ITFG1: variants seen among roughly 807,000 people sequenced by gnomAD.
ITFG1 encodes the protein integrin alpha FG-GAP repeat containing 1.
In ITFG1, 34 loss-of-function variants were observed where a neutral mutation model predicts 81.8. The observed-to-expected ratio is 0.42, with a 90% CI of 0.32 to 0.55. The LOEUF is 0.55. Ranked by LOEUF, ITFG1 falls within the 20% of genes least tolerant of loss-of-function variation. The pLI is 0.17. For synonymous variants in ITFG1, 285 were observed against 270.6 expected (o/e 1.05, Z -0.52); for missense variants, 672 against 755.4 (o/e 0.89, Z 1.29).
intron 8 of ITFG1, among the ~76,000 whole-genome samples, chr16:47,361,387 T>C (rs1297350614): frequency 6.6e-6 from 1 of 152,206 alleles, no homozygotes; most frequent in African/African-American, 2.4e-5. Context: ...CCATTTTCTC[T>C]AATTTCTATT....
At chr16:47,301,159 G>A (rs1485760504) in intron 10 of ITFG1, among the ~76,000 whole-genome samples, 1 of 152,062 alleles carries the variant, frequency 6.6e-6, no homozygotes. Flanking sequence ...ACAGATCAGT[G>A]AACAAAACAA....
intron 6 of ITFG1, among the ~76,000 whole-genome samples, chr16:47,413,687 CTT>C (rs1228726224): frequency 2.0e-5 from 3 of 152,026 alleles, no homozygotes. Context: ...CAGAGCAAGA[CTT>C]TGTCTGAAAA....
At chr16:47,193,287 T>C (rs1965315494) in intron 14 of ITFG1, among the ~76,000 whole-genome samples, 1 of 151,928 alleles carries the variant, frequency 6.6e-6, no homozygotes, top group South Asian at 2.1e-4. Flanking sequence ...TTCATTCTTT[T>C]GTTCTTTCTT....
At chr16:47,328,421 T>C (rs1445436116) in intron 8 of ITFG1, among the ~76,000 whole-genome samples, 1 of 151,970 alleles carries the variant, frequency 6.6e-6, no homozygotes, top group Non-Finnish European at 1.5e-5. Context: ...TGTATACATA[T>C]GTAACAAACC....
At position 47,258,689 on chromosome 16, in the gene ITFG1, C is replaced by T; in HGVS notation, c.1273G>A (p.Ala425Thr). 2 of 1,559,290 alleles carry T rather than the reference C, an allele frequency of 1.3e-6. No homozygotes were observed. Among genetic ancestry groups the T allele is most frequent in the Non-Finnish European group, 8.7e-7 (1 of 1,146,288 alleles). ...LSKGYTKNDFAIHTLKNNFEA... is the reference protein window; with the variant it reads ...LSKGYTKNDFTIHTLKNNFEA... ...AAGTTATTTTTTAGTGTATGAATGGCAAAATCATTCTTTGTATATCCTTTA... is the reference window on the plus strand; with the variant it reads ...AAGTTATTTTTTAGTGTATGAATGGTAAAATCATTCTTTGTATATCCTTTA... Residue 425 changes from alanine (A) to threonine (T), a missense_variant, in exon 12 of 18, where the codon GCC becomes ACC. Physicochemically the swap from Ala to Thr is moderately conservative, Grantham distance 58 (BLOSUM62 0). Coordinates refer to ENST00000320640, the MANE Select transcript of ITFG1 (RefSeq NM_030790.5).
chr16:47,380,691 C>A lies in ITFG1; in HGVS notation c.656-4751G>T, dbSNP rs114183931. Among the ~76,000 whole-genome samples the A allele has an allele frequency of 2.5e-3, 374 of 152,256 alleles. 3 individuals are homozygous for A. The highest frequency in any genetic ancestry group is 8.7e-3 in the African/African-American group (363 of 41,542). ...TTGGTGGCTTGGCGACTATATTGGA[C>A]CCCTTTCACCCTGGAAGTGGCAGCA... is the stretch of plus-strand genomic sequence containing the variant. On this transcript the variant is annotated intron_variant, in intron 6 of 17. Transcript: ENST00000320640.
At chr16:47,295,819 ATTAT>A (rs1415308217) in intron 10 of ITFG1, among the ~76,000 whole-genome samples, 2 of 151,534 alleles carry the variant, frequency 1.3e-5, no homozygotes, top group Non-Finnish European at 2.9e-5. Context: ...TTTAATTTTT[ATTAT>A]TTCTTTTCTT....
chr16:47,163,690 G>T (rs979296373), intron 14 of ITFG1, among the ~76,000 whole-genome samples: 1 of 151,806 alleles, frequency 6.6e-6, no homozygotes, highest in Non-Finnish European at 1.5e-5. Flanking sequence ...AGGAACTATC[G>T]AACTGTTTCC....
chr16:47,458,629 T>A (rs1245116121), intron 2 of ITFG1, among the ~76,000 whole-genome samples: 1 of 152,154 alleles, frequency 6.6e-6, no homozygotes, highest in African/African-American at 2.4e-5. Flanking sequence ...ATTTTAAAAA[T>A]TCAGATAATT....
chr16:47,267,109 A>C (rs1049960606), intron 10 of ITFG1, among the ~76,000 whole-genome samples: 6 of 152,224 alleles, frequency 3.9e-5, no homozygotes, highest in Non-Finnish European at 8.8e-5. Context: ...CTAAACTTGA[A>C]GGTGATGGTT....
In ITFG1 at chr16:47,454,057, C is replaced by T. The variant is rs1196662456; in HGVS notation, c.383G>A (p.Ser128Asn). 6.2e-7 allele frequency: 1 copy of T among 1,611,074 alleles called. No homozygotes were observed. The highest frequency in any genetic ancestry group is 8.5e-7 in the Non-Finnish European group (1 of 1,177,818). Residue 128 changes from serine (S) to asparagine (N), a missense_variant, in exon 3 of 18, where the codon AGT becomes AAT. Coordinates refer to ENST00000320640, the MANE Select transcript of ITFG1 (RefSeq NM_030790.5). ...CCAGAAGATAACAGCTCCTAATTCA[C>T]TCTTGGCATAATTTTTGGGAAGATA... ...LTYLPKNYAK[S>N]ELGAVIFWGQ...
chr16:47,295,176 T>C (rs1026842828), intron 10 of ITFG1, among the ~76,000 whole-genome samples: 1 of 152,196 alleles, frequency 6.6e-6, no homozygotes, highest in Admixed American at 6.5e-5. Context: ...TGTTGAACCA[T>C]CTTTGCATCG....
At position 47,396,300 on chromosome 16, in the gene ITFG1, G is replaced by A. The variant is rs1335624892; in HGVS notation, c.656-20360C>T. On this transcript the variant is annotated intron_variant, in intron 6 of 17. Coordinates refer to ENST00000320640, the MANE Select transcript of ITFG1 (RefSeq NM_030790.5). ...GCTTGCTTCTCCAATGGGAGCAAAA[G>A]GGAGGGAGGAAGTAGAGGGGGAGGG... 4.2e-5 allele frequency: 10 copies of A among 238,308 alleles called. 1 individual carries two copies. Among genetic ancestry groups the A allele is most frequent in the Non-Finnish European group, 6.8e-5 (10 of 146,984 alleles). 14.8% of individuals were successfully genotyped at this position (238,308 alleles called of 1,614,324 possible).
intron 14 of ITFG1, among the ~76,000 whole-genome samples, chr16:47,183,315 C>T (rs1965158901): frequency 6.6e-6 from 1 of 152,350 alleles, no homozygotes; most frequent in African/African-American, 2.4e-5. Flanking sequence ...GTAGGCTCCA[C>T]CTCTGGGGGC....
chr16:47,179,878 G>A (rs1322148735), intron 14 of ITFG1, among the ~76,000 whole-genome samples: 4 of 152,170 alleles, frequency 2.6e-5, no homozygotes, highest in African/African-American at 7.2e-5. Context: ...TTCTTAAAAC[G>A]ACGGTTGTCC....
chr16:47,155,852 G>A (rs1429866867), intron 17 of ITFG1, 74 bp from the exon 18 acceptor site: 1 of 1,049,574 alleles, frequency 9.5e-7, no homozygotes, highest in Non-Finnish European at 1.4e-6. Context: ...GAAATACACA[G>A]TGATTCATTT....
At chr16:47,430,553 C>A (rs901007084) in intron 5 of ITFG1, among the ~76,000 whole-genome samples, 3 of 151,934 alleles carry the variant, frequency 2.0e-5, no homozygotes, top group Non-Finnish European at 4.4e-5. Context: ...TATCTTTAAT[C>A]TTTTTTAAAT....
chr16:47,400,611 C>T (rs1390120714), intron 6 of ITFG1, among the ~76,000 whole-genome samples: 1 of 152,066 alleles, frequency 6.6e-6, no homozygotes, highest in Non-Finnish European at 1.5e-5. Flanking sequence ...ACCAAGTACA[C>T]AGAATAGTGG....
intron 10 of ITFG1, among the ~76,000 whole-genome samples, chr16:47,302,101 T>C (rs1967085914): frequency 6.6e-6 from 1 of 152,176 alleles, no homozygotes; most frequent in Non-Finnish European, 1.5e-5. Flanking sequence ...TGTGGTAAAT[T>C]TGAAAAGAAG....
Sources: allele counts gnomAD v4.1 joint callset (sites outside exome capture counted in the v4.1 genomes callset), GRCh38; gene constraint gnomAD v4.1.1; transcripts MANE v1.5; gene names NCBI Gene and HGNC (gene_info 2026-07-23, HGNC 2026-07-21).